The following PMFBP1 variants were observed in gnomAD, a reference collection of about 807,000 sequenced individuals.
PMFBP1 encodes polyamine-modulated factor 1-binding protein 1.
A neutral mutation model predicts 137.8 loss-of-function variants in PMFBP1; 131 were observed. The ratio of observed to expected loss-of-function variants is 0.95; its 90% confidence interval spans 0.82 to 1.10. PMFBP1 has a LOEUF of 1.10. PMFBP1 is among the 50% of genes least tolerant of loss of function. The probability of loss-of-function intolerance (pLI) is 0.00; values close to 1 mark genes in which losing one functional copy is unlikely to be tolerated. For missense variants in PMFBP1, 1,199 were observed against 1,175.4 expected (o/e 1.02, Z -0.29); for synonymous variants, 490 against 450.4 (o/e 1.09, Z -1.11).
At chr16:72,229,828 T>C in the PMFBP1 span, among the ~76,000 whole-genome samples, 1 of 152,188 alleles carries the variant, frequency 6.6e-6, no homozygotes, top group East Asian at 1.9e-4. Flanking sequence ...ATTTGAACCA[T>C]AAAAATTGGC....
rs1470827013 is a variant in PMFBP1, at chr16:72,146,613, A to T, written c.636+3995T>A. ...CTGTTTGCAGATGACATGATGGTAT[A>T]TTTAGAAAACCCCATCGTCTCAGCC... is the stretch of plus-strand genomic sequence containing the variant. On this transcript the variant is annotated intron_variant, in intron 5 of 20. Transcript: ENST00000237353. 2.6e-5 allele frequency among the ~76,000 whole-genome samples: 4 copies of T among 152,236 alleles called. No homozygotes were observed. In the East Asian group the frequency reaches 7.7e-4, roughly 29 times the overall value.
At chr16:72,229,783 T>G in the PMFBP1 span, among the ~76,000 whole-genome samples, 1 of 152,218 alleles carries the variant, frequency 6.6e-6, no homozygotes. Flanking sequence ...TAGGGTTTGC[T>G]ATTTGTGTTT....
chr16:72,245,718 C>T, the PMFBP1 span, among the ~76,000 whole-genome samples: 2 of 152,152 alleles, frequency 1.3e-5, no homozygotes, highest in South Asian at 2.1e-4. Context: ...CAGGATGCCC[C>T]GGTCTGTACG....
At position 72,130,634 on chromosome 16, in the gene PMFBP1, G is replaced by A. The variant is rs1487972995; in HGVS notation, c.1536C>T (p.Leu512=). The A allele has an allele frequency of 6.2e-7, 1 of 1,613,916 alleles. No homozygotes were observed. Among genetic ancestry groups the A allele is most frequent in the Admixed American group, 1.7e-5 (1 of 60,002 alleles). ...DTQRKLQKGL[L]LDKQKADTIQ... ...TGGTGTCTGCCTTCTGCTTGTCCAG[G>A]AGGAGACCCTTCTGCAGTTTCCTCT... The change falls in exon 11 of 21, where the codon CTC becomes CTT. Residue 512 remains leucine, a synonymous_variant. Transcript: ENST00000237353.
the PMFBP1 span, among the ~76,000 whole-genome samples, chr16:72,220,074 C>T: frequency 1.2e-4 from 19 of 152,234 alleles, 1 homozygote; most frequent in Admixed American, 1.1e-3. Context: ...GACACACTCA[C>T]GTATGGCAGT....
chr16:72,245,748 C>A, the PMFBP1 span, among the ~76,000 whole-genome samples: 47 of 152,324 alleles, frequency 3.1e-4, no homozygotes, highest in African/African-American at 1.1e-3. Context: ...CCAAGTCACA[C>A]TGCCACTGCT....
At chr16:72,122,866 T>C (rs1265591423) in intron 19 of PMFBP1, 48 bp downstream of exon 19, 1 of 1,561,862 alleles carries the variant, frequency 6.4e-7, no homozygotes, top group Non-Finnish European at 8.8e-7. Context: ...CTGCTGACCC[T>C]TCTTGTCAGC....
At chr16:72,159,336 GC>G (rs2043027792) in intron 3 of PMFBP1, among the ~76,000 whole-genome samples, 4 of 152,200 alleles carry the variant, frequency 2.6e-5, no homozygotes, top group Admixed American at 2.6e-4. Flanking sequence ...AAACTTAGCA[GC>G]CTGGCAGGGA....
chr16:72,225,934 G>GACACACACACACACACACAC, the PMFBP1 span, among the ~76,000 whole-genome samples: 100 of 140,768 alleles, frequency 7.1e-4, no homozygotes, highest in African/African-American at 2.6e-3. Context: ...CACACTCACA[G>GACACACACACACACACACAC]ACACACACAC....
upstream of PMFBP1, among the ~76,000 whole-genome samples, chr16:72,177,317 A>G (rs177718): frequency 1 from 151,904 of 152,334 alleles, 75,738 homozygotes; most frequent in Middle Eastern, 1. Flanking sequence ...ACTATATGCC[A>G]GGCAGTGTTC....
intron 19 of PMFBP1, among the ~76,000 whole-genome samples, chr16:72,122,375 C>G (rs1278395275): frequency 6.6e-6 from 1 of 152,164 alleles, no homozygotes; most frequent in East Asian, 1.9e-4. Context: ...AGTTTTAGGC[C>G]TTCATACCTT....
chr16:72,129,894 T>C (rs181263467), intron 12 of PMFBP1, among the ~76,000 whole-genome samples: 7 of 152,290 alleles, frequency 4.6e-5, no homozygotes, highest in Admixed American at 3.3e-4. Context: ...TCACCTAGGC[T>C]GTACTGCAGT....
At chr16:72,165,806 G>T (rs1340909748) in intron 2 of PMFBP1, among the ~76,000 whole-genome samples, 1 of 152,152 alleles carries the variant, frequency 6.6e-6, no homozygotes, top group Non-Finnish European at 1.5e-5. Context: ...CTTTGATTAT[G>T]AGTGAAAAGA....
chr16:72,180,459 T>C (rs967259962), upstream of PMFBP1, among the ~76,000 whole-genome samples: 2 of 152,284 alleles, frequency 1.3e-5, no homozygotes, highest in Admixed American at 1.3e-4. Flanking sequence ...GTTGAGTTTC[T>C]CAGTGGAGCT....
chr16:72,243,372 C>T, the PMFBP1 span, among the ~76,000 whole-genome samples: 2 of 152,148 alleles, frequency 1.3e-5, no homozygotes, highest in Non-Finnish European at 2.9e-5. Flanking sequence ...TTTCATCTGC[C>T]AGCAGGACAG....
chr16:72,242,008 G>A, the PMFBP1 span, among the ~76,000 whole-genome samples: 2 of 152,146 alleles, frequency 1.3e-5, no homozygotes, highest in Non-Finnish European at 2.9e-5. Context: ...TGTCTGGCAC[G>A]GTGCTGGTTG....
the PMFBP1 span, among the ~76,000 whole-genome samples, chr16:72,209,294 C>T: frequency 2.0e-5 from 3 of 152,216 alleles, no homozygotes; most frequent in African/African-American, 7.2e-5. Flanking sequence ...TGCCCATTAG[C>T]TGTCATTTCT....
chr16:72,219,538 C>T, the PMFBP1 span, among the ~76,000 whole-genome samples: 1 of 134,350 alleles, frequency 7.4e-6, no homozygotes, highest in Non-Finnish European at 1.5e-5. Flanking sequence ...CCTACGGGAG[C>T]TGCTCAATGT....
downstream of PMFBP1, chr16:72,119,036 T>C (rs570577865): frequency 6.0e-5 from 20 of 333,310 alleles, no homozygotes; most frequent in Non-Finnish European, 7.6e-5. Flanking sequence ...AGGATGAACA[T>C]GTTGCTGGGG....
Sources: allele counts gnomAD v4.1 joint callset (sites outside exome capture counted in the v4.1 genomes callset), GRCh38; gene constraint gnomAD v4.1.1; transcripts MANE v1.5; gene names NCBI Gene and HGNC (gene_info 2026-07-23, HGNC 2026-07-21).